The following KCND2 variants were observed in gnomAD, a reference collection of about 807,000 sequenced individuals.
The protein encoded by KCND2 is A-type voltage-gated potassium channel KCND2.
A neutral mutation model predicts 54.4 loss-of-function variants in KCND2; 16 were observed. That is an observed-to-expected ratio of 0.29 (90% CI 0.20 to 0.45). The LOEUF (loss-of-function observed/expected upper bound fraction) is 0.45. Among genes scored for constraint, KCND2 ranks in the 20% least tolerant of loss-of-function variants. The pLI is 1.00. For missense variants in KCND2, 486 were observed against 824.2 expected (o/e 0.59, Z 5.02); for synonymous variants, 317 against 310.7 (o/e 1.02, Z -0.21).
At chr7:120,656,270 A>G (rs1791802413) in intron 1 of KCND2, among the ~76,000 whole-genome samples, 1 of 152,160 alleles carries the variant, frequency 6.6e-6, no homozygotes, top group African/African-American at 2.4e-5. Context: ...AGCAAAATTC[A>G]GAAGGTGGAA....
intron 1 of KCND2, among the ~76,000 whole-genome samples, chr7:120,587,690 G>A (rs1792617875): frequency 6.6e-6 from 1 of 152,090 alleles, no homozygotes; most frequent in African/African-American, 2.4e-5. Context: ...ACCACTTTCA[G>A]TTTTATAAAA....
At chr7:120,455,140 T>A (rs1454172329) in intron 1 of KCND2, among the ~76,000 whole-genome samples, 1 of 152,096 alleles carries the variant, frequency 6.6e-6, no homozygotes, top group African/African-American at 2.4e-5. Flanking sequence ...TACTTTTTTT[T>A]ATCAAACTGT....
chr7:120,742,426 G>T lies in KCND2; in HGVS notation c.1375-84G>T, dbSNP rs142790093. On this transcript the variant is annotated intron_variant, in intron 3 of 5. Transcript: ENST00000331113. ...TAAAATGTTGCCAGTTAATAGAGCAGATCTCTCTGTGGAAATATGTAGCCG... is the reference window on the plus strand; with the variant it reads ...TAAAATGTTGCCAGTTAATAGAGCATATCTCTCTGTGGAAATATGTAGCCG... 1.1e-4 allele frequency: 120 copies of T among 1,067,220 alleles called. No individual in the cohort carries two copies. In the East Asian group the frequency reaches 2.8e-3, roughly 25 times the overall value. 66.1% of individuals were successfully genotyped at this position (1,067,220 alleles called of 1,614,324 possible).
chr7:120,672,922 G>T (rs544565456), intron 1 of KCND2: 21 of 152,160 alleles, frequency 1.4e-4, no homozygotes, highest in Admixed American at 1.1e-3. Context: ...TAAAAGATTA[G>T]CACAGCCCTT....
At chr7:120,567,946 A>G (rs117979636) in intron 1 of KCND2, among the ~76,000 whole-genome samples, 2 of 152,274 alleles carry the variant, frequency 1.3e-5, no homozygotes, top group East Asian at 3.9e-4. Context: ...TCAATGATGC[A>G]TGTAATATTC....
intron 1 of KCND2, among the ~76,000 whole-genome samples, chr7:120,356,885 A>G (rs1288695536): frequency 6.6e-6 from 1 of 152,064 alleles, no homozygotes; most frequent in African/African-American, 2.4e-5. Context: ...TATTATTTCC[A>G]GGCTGGTTAG....
intron 1 of KCND2, among the ~76,000 whole-genome samples, chr7:120,373,504 A>G (rs1800793062): frequency 6.6e-6 from 1 of 151,914 alleles, no homozygotes; most frequent in Admixed American, 6.6e-5. Context: ...ATTTATGAGA[A>G]TAATAATGAA....
At chr7:120,352,701 G>A (rs1800433126) in intron 1 of KCND2, among the ~76,000 whole-genome samples, 1 of 152,052 alleles carries the variant, frequency 6.6e-6, no homozygotes, top group Admixed American at 6.6e-5. Flanking sequence ...TAGCTTACAT[G>A]TGTTAAAATA....
intron 1 of KCND2, among the ~76,000 whole-genome samples, chr7:120,296,904 T>A (rs572310071): frequency 2.0e-5 from 3 of 149,642 alleles, no homozygotes; most frequent in Admixed American, 1.3e-4. Flanking sequence ...TTAAGCAATG[T>A]TTTTTTAAGA....
At chr7:120,550,060 T>A (rs62469865) in intron 1 of KCND2, among the ~76,000 whole-genome samples, 5,082 of 152,134 alleles carry the variant, frequency 0.033, 100 homozygotes, top group Non-Finnish European at 0.049. Context: ...TAGCTGGAGT[T>A]AGAAGCTGCC....
intron 1 of KCND2, among the ~76,000 whole-genome samples, chr7:120,561,657 G>T (rs576172995): frequency 1.6e-5 from 2 of 127,548 alleles, no homozygotes; most frequent in South Asian, 5.1e-4. Context: ...TGTTGCCCAG[G>T]CTGGAGTGAA....
At chr7:120,411,926 A>G (rs1045747309) in intron 1 of KCND2, among the ~76,000 whole-genome samples, 2 of 152,000 alleles carry the variant, frequency 1.3e-5, no homozygotes, top group African/African-American at 4.8e-5. Flanking sequence ...ACCTAATTGC[A>G]TCTTTCAAGA....
At chr7:120,483,573 T>C in intron 1 of KCND2, among the ~76,000 whole-genome samples, 1 of 152,112 alleles carries the variant, frequency 6.6e-6, no homozygotes, top group East Asian at 1.9e-4. Flanking sequence ...AATAAAGAAC[T>C]CAGCAATGGT....
intron 1 of KCND2, among the ~76,000 whole-genome samples, chr7:120,586,477 T>TCAAAAAACA (rs1792602167): frequency 1.3e-5 from 2 of 152,176 alleles, no homozygotes; most frequent in Non-Finnish European, 2.9e-5. Flanking sequence ...TCAAAAATTA[T>TCAAAAAACA]TATAAAGGAA....
At chr7:120,302,362 C>T (rs766902382) in intron 1 of KCND2, among the ~76,000 whole-genome samples, 5 of 152,092 alleles carry the variant, frequency 3.3e-5, no homozygotes, top group Admixed American at 6.6e-5. Flanking sequence ...GAGGCTCAGG[C>T]GATCCTTGGA....
chr7:120,705,776 C>G (rs970661374), intron 1 of KCND2, among the ~76,000 whole-genome samples: 3 of 152,140 alleles, frequency 2.0e-5, no homozygotes, highest in Non-Finnish European at 4.4e-5. Context: ...TCATGAATCT[C>G]AAGACTGAGA....
chr7:120,492,641 A>T (rs1802800645), intron 1 of KCND2, among the ~76,000 whole-genome samples: 1 of 152,070 alleles, frequency 6.6e-6, no homozygotes, highest in African/African-American at 2.4e-5. Context: ...TTCTTTTATA[A>T]GGACACTACA....
chr7:120,299,052 C>T (rs1799550032), intron 1 of KCND2, among the ~76,000 whole-genome samples: 2 of 151,920 alleles, frequency 1.3e-5, no homozygotes, highest in Admixed American at 1.3e-4. Context: ...CTCAGCTACT[C>T]AAGAAACTGA....
At chr7:120,295,777 TCTCA>T (rs1173769772) in intron 1 of KCND2, among the ~76,000 whole-genome samples, 3 of 152,062 alleles carry the variant, frequency 2.0e-5, no homozygotes, top group Non-Finnish European at 4.4e-5. Context: ...GTGAAATTTT[TCTCA>T]CTATTTTGCA....
Sources: gnomAD v4.1 joint callset for allele counts (sites outside exome capture counted in the v4.1 genomes callset) on GRCh38, gnomAD v4.1.1 for gene constraint, MANE v1.5 for transcripts, NCBI Gene and HGNC (gene_info 2026-07-23, HGNC 2026-07-21) for gene names.